The following SPAG16 variants were observed in gnomAD, a reference collection of about 807,000 sequenced individuals.
The protein encoded by SPAG16 is sperm associated antigen 16.
A neutral mutation model predicts 80.4 loss-of-function variants in SPAG16; 86 were observed. That is an observed-to-expected ratio of 1.07 (90% CI 0.90 to 1.28). The LOEUF is 1.28. Among genes scored for constraint, SPAG16 ranks in the 50% most tolerant of loss-of-function variants. The pLI, the probability that SPAG16 is intolerant of heterozygous loss-of-function variation, is 0.00. For synonymous variants in SPAG16, 294 were observed against 265.9 expected, an observed-to-expected ratio of 1.11 and a Z score of -1.03; for missense variants, 870 against 765.3, an observed-to-expected ratio of 1.14 and a Z score of -1.61.
At chr2:214,156,262 C>A (rs1339488300) in intron 15 of SPAG16, among the ~76,000 whole-genome samples, 2 of 152,150 alleles carry the variant, frequency 1.3e-5, no homozygotes, top group African/African-American at 4.8e-5. Context: ...CTCCTGGGAG[C>A]TAGAACTCCA....
intron 15 of SPAG16, among the ~76,000 whole-genome samples, chr2:214,394,976 C>A (rs1701282839): frequency 6.6e-6 from 1 of 152,158 alleles, no homozygotes; most frequent in South Asian, 2.1e-4. Context: ...TAGCGTTGGC[C>A]GATTGGCTTC....
At chr2:214,284,894 GT>G (rs1559181462) in intron 15 of SPAG16, among the ~76,000 whole-genome samples, 1 of 151,772 alleles carries the variant, frequency 6.6e-6, no homozygotes, top group East Asian at 1.9e-4. Flanking sequence ...GGACACTTAG[GT>G]TGATTTCATG....
intron 6 of SPAG16, among the ~76,000 whole-genome samples, chr2:213,346,827 T>G (rs2065020898): frequency 1.1e-5 from 1 of 90,760 alleles, no homozygotes; most frequent in African/African-American, 4.2e-5. Context: ...TCAGGGATAT[T>G]GGTCTAAAAT....
chr2:213,789,825 C>T (rs192488975), intron 10 of SPAG16, among the ~76,000 whole-genome samples: 65 of 151,962 alleles, frequency 4.3e-4, no homozygotes, highest in Non-Finnish European at 2.9e-5. Flanking sequence ...CTATTTTTGC[C>T]TCAAATTCTT....
chr2:213,685,814 A>G (rs1574807686), intron 10 of SPAG16, among the ~76,000 whole-genome samples: 1 of 152,142 alleles, frequency 6.6e-6, no homozygotes, highest in Admixed American at 6.5e-5. Flanking sequence ...GGAAATAGGG[A>G]AGTGAATAAA....
chr2:213,342,232 A>T (rs1015291907), intron 6 of SPAG16, among the ~76,000 whole-genome samples: 6 of 150,576 alleles, frequency 4.0e-5, no homozygotes, highest in African/African-American at 9.8e-5. Flanking sequence ...TGAATATGTA[A>T]TGTTTATGGA....
chr2:213,654,193 C>A (rs2063127983), intron 10 of SPAG16, among the ~76,000 whole-genome samples: 1 of 152,044 alleles, frequency 6.6e-6, no homozygotes, highest in Non-Finnish European at 1.5e-5. Context: ...ATACCACTGG[C>A]CTGTATCTTA....
intron 5 of SPAG16, among the ~76,000 whole-genome samples, chr2:213,323,808 A>G (rs554180481): frequency 6.6e-6 from 1 of 152,302 alleles, no homozygotes; most frequent in Non-Finnish European, 1.5e-5. Flanking sequence ...AAAAAGAGGG[A>G]AATTCTGTAA....
chr2:214,377,507 C>T (rs1700200944), intron 15 of SPAG16, among the ~76,000 whole-genome samples: 4 of 152,112 alleles, frequency 2.6e-5, no homozygotes, highest in Admixed American at 2.0e-4. Context: ...TTTTCTCTTT[C>T]GTATTATTTT....
At chr2:213,507,670 A>T (rs1445048515) in intron 10 of SPAG16, among the ~76,000 whole-genome samples, 1 of 152,154 alleles carries the variant, frequency 6.6e-6, no homozygotes, top group Non-Finnish European at 1.5e-5. Flanking sequence ...TGGACCTCTA[A>T]GTGTTACTTA....
intron 14 of SPAG16, among the ~76,000 whole-genome samples, 164 bp from the exon 15 acceptor site, chr2:214,148,976 T>C (rs1215441592): frequency 6.6e-6 from 1 of 151,346 alleles, no homozygotes; most frequent in African/African-American, 2.4e-5. Context: ...TGTAATCTTA[T>C]GGCTGTAATA....
In SPAG16 at chr2:213,626,641, A is replaced by AG. The variant is rs1213389671; in HGVS notation, c.1070+136551_1070+136552insG. The stretch of plus-strand genomic sequence containing the variant: ...CTAGATATTATTACTATCGGGCTCA[A>AG]TTTTTTTTTTTTTTTTTTTTTTTTT... On this transcript the variant is annotated intron_variant, in intron 10 of 15. Transcript: ENST00000331683. 3.6e-3 allele frequency among the ~76,000 whole-genome samples: 357 copies of AG among 98,998 alleles called. 4 individuals are homozygous for AG. The highest frequency in any genetic ancestry group is 0.014 in the African/African-American group (345 of 25,450). 64.9% of individuals were successfully genotyped at this position (98,998 alleles called of 152,430 possible).
chr2:213,871,550 A>G (rs773153997), intron 11 of SPAG16, among the ~76,000 whole-genome samples: 1 of 152,016 alleles, frequency 6.6e-6, no homozygotes, highest in Non-Finnish European at 1.5e-5. Context: ...GGCTGTGCAC[A>G]TGCATAGGAA....
intron 13 of SPAG16, among the ~76,000 whole-genome samples, chr2:214,021,212 T>G (rs2047847471): frequency 6.6e-6 from 1 of 152,156 alleles, no homozygotes; most frequent in Non-Finnish European, 1.5e-5. Context: ...TAGAAAACAT[T>G]TTTTTGGTCA....
At chr2:213,310,767 C>T (rs1453329015) in intron 4 of SPAG16, among the ~76,000 whole-genome samples, 1 of 151,618 alleles carries the variant, frequency 6.6e-6, no homozygotes, top group East Asian at 1.9e-4. Context: ...AGTAGGTGTA[C>T]CTTTATTCCT....
chr2:214,354,675 T>C (rs1473595927), intron 15 of SPAG16, among the ~76,000 whole-genome samples: 1 of 151,352 alleles, frequency 6.6e-6, no homozygotes, highest in African/African-American at 2.4e-5. Flanking sequence ...TTTATTTCAT[T>C]GAGCAGTGGT....
intron 10 of SPAG16, among the ~76,000 whole-genome samples, chr2:213,792,458 A>G (rs2070756959): frequency 6.6e-6 from 1 of 151,692 alleles, no homozygotes; most frequent in Admixed American, 6.6e-5. Flanking sequence ...TGTCAGTTCA[A>G]TTTCCCCAGT....
chr2:213,308,627 T>G (rs1028134034), intron 3 of SPAG16, among the ~76,000 whole-genome samples: 5 of 152,122 alleles, frequency 3.3e-5, no homozygotes, highest in Non-Finnish European at 7.4e-5. Context: ...GTTGCAACAT[T>G]TTCCATACAA....
intron 10 of SPAG16, among the ~76,000 whole-genome samples, chr2:213,821,428 G>A (rs1001484478): frequency 6.6e-6 from 1 of 151,996 alleles, no homozygotes; most frequent in Non-Finnish European, 1.5e-5. Context: ...ATTTTTAATT[G>A]TGTGTATAGT....
Sources: gnomAD v4.1 joint callset for allele counts (sites outside exome capture counted in the v4.1 genomes callset) on GRCh38, gnomAD v4.1.1 for gene constraint, MANE v1.5 for transcripts, NCBI Gene and HGNC (gene_info 2026-07-23, HGNC 2026-07-21) for gene names.